The following NRXN3 variants were observed in gnomAD, a reference collection of about 807,000 sequenced individuals.
NRXN3 encodes the protein neurexin III.
A neutral mutation model predicts 137.6 loss-of-function variants in NRXN3; 32 were observed. The observed-to-expected ratio is 0.23, with a 90% CI of 0.18 to 0.31. The LOEUF (loss-of-function observed/expected upper bound fraction) is 0.31. NRXN3 is among the 10% of genes least tolerant of loss of function. The pLI is 1.00. For synonymous variants in NRXN3, 798 were observed against 784.5 expected (o/e 1.02, Z -0.29); for missense variants, 1,574 against 2,062.5 (o/e 0.76, Z 4.59).
At chr14:79,817,118 T>G (rs1467682862) in intron 20 of NRXN3, among the ~76,000 whole-genome samples, 2 of 152,160 alleles carry the variant, frequency 1.3e-5, no homozygotes, top group African/African-American at 4.8e-5. Flanking sequence ...AGTGGCATGA[T>G]CTCAGCTCAC....
intron 15 of NRXN3, among the ~76,000 whole-genome samples, chr14:79,018,509 A>G (rs2099583642): frequency 6.6e-6 from 1 of 151,978 alleles, no homozygotes; most frequent in African/African-American, 2.4e-5. Context: ...CTATGATAAG[A>G]ATTTTACCAT....
At chr14:79,719,715 T>C (rs1207645550) in intron 19 of NRXN3, among the ~76,000 whole-genome samples, 1 of 152,090 alleles carries the variant, frequency 6.6e-6, no homozygotes, top group Non-Finnish European at 1.5e-5. Flanking sequence ...TCCTTCCTTA[T>C]CTACCAATAT....
chr14:79,532,436 A>C (rs1221525890), intron 16 of NRXN3, among the ~76,000 whole-genome samples: 1 of 152,172 alleles, frequency 6.6e-6, no homozygotes, highest in Non-Finnish European at 1.5e-5. Flanking sequence ...GACCTTCACA[A>C]AGGCTTCAAA....
chr14:78,293,004 G>A (rs2075962090), intron 3 of NRXN3, among the ~76,000 whole-genome samples: 1 of 152,116 alleles, frequency 6.6e-6, no homozygotes, highest in South Asian at 2.1e-4. Flanking sequence ...TGCATGCCTA[G>A]CATAGACTCT....
intron 15 of NRXN3, among the ~76,000 whole-genome samples, chr14:79,396,344 C>CATAT (rs777936370): frequency 6.6e-6 from 1 of 151,128 alleles, no homozygotes; most frequent in East Asian, 1.9e-4. Flanking sequence ...GAGATATATT[C>CATAT]ATATATATAT....
At chr14:79,295,639 G>A (rs948767584) in intron 15 of NRXN3, among the ~76,000 whole-genome samples, 1 of 152,132 alleles carries the variant, frequency 6.6e-6, no homozygotes, top group Non-Finnish European at 1.5e-5. Context: ...TGAGTAAAGG[G>A]ATGGATGAAT....
intron 15 of NRXN3, among the ~76,000 whole-genome samples, chr14:79,208,676 CTGAT>C (rs1310203922): frequency 9.9e-5 from 15 of 152,150 alleles, no homozygotes; most frequent in African/African-American, 3.4e-4. Context: ...ACAACTTACT[CTGAT>C]TAACTCAATT....
At chr14:78,727,553 AC>A (rs1166989103) in intron 8 of NRXN3, among the ~76,000 whole-genome samples, 25 of 151,920 alleles carry the variant, frequency 1.6e-4, no homozygotes, top group Non-Finnish European at 2.9e-4. Flanking sequence ...GACCAGCCTG[AC>A]CAACATGGGG....
At chr14:79,506,026 A>G (rs1231296151) in intron 16 of NRXN3, among the ~76,000 whole-genome samples, 1 of 152,224 alleles carries the variant, frequency 6.6e-6, no homozygotes, top group Non-Finnish European at 1.5e-5. Context: ...TTCTTGTGGC[A>G]GCATGATTCT....
At chr14:79,564,763 G>C (rs911855193) in intron 16 of NRXN3, among the ~76,000 whole-genome samples, 1 of 152,066 alleles carries the variant, frequency 6.6e-6, no homozygotes, top group Non-Finnish European at 1.5e-5. Context: ...GAATTTTAAT[G>C]CTTGTGTTGA....
chr14:79,458,969 G>A (rs2096291013), intron 15 of NRXN3, among the ~76,000 whole-genome samples: 1 of 152,002 alleles, frequency 6.6e-6, no homozygotes, highest in Admixed American at 6.6e-5. Context: ...TTTTCATCTT[G>A]TTTGCTGTTT....
At chr14:79,439,274 T>G (rs1387741655) in intron 15 of NRXN3, among the ~76,000 whole-genome samples, 4 of 152,252 alleles carry the variant, frequency 2.6e-5, no homozygotes, top group Non-Finnish European at 5.9e-5. Context: ...ATTTGACTTC[T>G]CTACTCAGAA....
At chr14:78,331,551 C>T (rs1423858689) in intron 4 of NRXN3, among the ~76,000 whole-genome samples, 1 of 152,142 alleles carries the variant, frequency 6.6e-6, no homozygotes, top group Non-Finnish European at 1.5e-5. Flanking sequence ...AGAGTGTTTA[C>T]CAAATCTTTG....
chr14:79,219,507 A>G (rs1364591596), intron 15 of NRXN3, among the ~76,000 whole-genome samples: 2 of 152,142 alleles, frequency 1.3e-5, no homozygotes, highest in African/African-American at 2.4e-5. Context: ...TGTCATTAGC[A>G]TTGCTTTGGT....
intron 4 of NRXN3, among the ~76,000 whole-genome samples, chr14:78,596,530 G>A (rs934512472): frequency 1.3e-5 from 2 of 152,190 alleles, no homozygotes; most frequent in African/African-American, 2.4e-5. Context: ...TACTATATAC[G>A]TGTGTTATTA....
At chr14:78,531,993 G>T (rs1191040418) in intron 4 of NRXN3, among the ~76,000 whole-genome samples, 2 of 151,882 alleles carry the variant, frequency 1.3e-5, no homozygotes, top group Admixed American at 6.6e-5. Flanking sequence ...TTTTATTGGA[G>T]AACCTTATTC....
intron 5 of NRXN3, among the ~76,000 whole-genome samples, chr14:78,648,934 T>A (rs935486148): frequency 6.6e-6 from 1 of 152,084 alleles, no homozygotes; most frequent in Non-Finnish European, 1.5e-5. Flanking sequence ...GTAAGTATGG[T>A]GCTAATTCTA....
At chr14:79,837,837 A>G (rs35224540) in intron 20 of NRXN3, among the ~76,000 whole-genome samples, 18,914 of 152,230 alleles carry the variant, frequency 0.12, 1,454 homozygotes, top group Middle Eastern at 0.22. Context: ...ATTTTCCAAC[A>G]TTTAAACTCT....
At chr14:79,256,877 CTGTG>C (rs1322781516) in intron 15 of NRXN3, among the ~76,000 whole-genome samples, 1 of 152,028 alleles carries the variant, frequency 6.6e-6, no homozygotes, top group Non-Finnish European at 1.5e-5. Flanking sequence ...GTATGTGTGT[CTGTG>C]TGCACATGTG....
Sources: gnomAD v4.1 joint callset for allele counts (sites outside exome capture counted in the v4.1 genomes callset) on GRCh38, gnomAD v4.1.1 for gene constraint, MANE v1.5 for transcripts, NCBI Gene and HGNC (gene_info 2026-07-23, HGNC 2026-07-21) for gene names.